Variants in ACBD5 observed in about 807,000 individuals in gnomAD.
ACBD5 encodes acyl-CoA binding domain containing 5, also known as acyl-CoA-binding domain-containing protein 5.
In ACBD5, 40 loss-of-function variants were observed where a neutral mutation model predicts 71.8. The ratio of observed to expected loss-of-function variants is 0.56; its 90% CI spans 0.43 to 0.72. ACBD5 has a LOEUF of 0.72. ACBD5 is among the 30% of genes least tolerant of loss of function. The probability of loss-of-function intolerance (pLI) is 0.00; values close to 1 mark genes in which losing one functional copy is unlikely to be tolerated. For missense variants in ACBD5, 559 were observed against 644.5 expected, an observed-to-expected ratio of 0.87 and a Z score of 1.44; for synonymous variants, 229 against 218.6, an observed-to-expected ratio of 1.05 and a Z score of -0.42.
chr10:27,194,648 T>TAAGAAGAAGAAG (rs1459493023), downstream of ACBD5, among the ~76,000 whole-genome samples: 1 of 148,574 alleles, frequency 6.7e-6, no homozygotes, highest in African/African-American at 2.5e-5. Flanking sequence ...ATAATAATAA[T>TAAGAAGAAGAAG]AAGATGGTTG....
chr10:27,221,652 G>A (rs145412573), intron 5 of ACBD5, among the ~76,000 whole-genome samples: 4 of 151,890 alleles, frequency 2.6e-5, no homozygotes, highest in African/African-American at 9.7e-5. Context: ...AATTGCTCAT[G>A]CCTTTAATTC....
chr10:27,234,509 AAG>A (rs1491237082), intron 3 of ACBD5, among the ~76,000 whole-genome samples: 3 of 148,828 alleles, frequency 2.0e-5, no homozygotes, highest in Non-Finnish European at 3.0e-5. Context: ...AAAAAAAAAA[AAG>A]GGAAAACTCC....
Position 27,197,314 on chromosome 10 carries a change from G to T in ACBD5, c.*116C>A. ...TATATGTACACAAACTAAACTACTG[G>T]ACAACAAAAAGCAATGTAATCATCA... On this transcript the variant is annotated 3_prime_UTR_variant, in exon 13 of 13. Transcript: ENST00000396271. The T allele has an allele frequency of 3.1e-6, 3 of 977,658 alleles. No homozygotes were observed. Among genetic ancestry groups the T allele is most frequent in the Non-Finnish European group, 4.9e-6 (3 of 616,132 alleles). 60.6% of individuals were successfully genotyped at this position (977,658 alleles called of 1,614,324 possible). A position where few individuals can be genotyped will look rare whatever the true frequency, so the allele number is the denominator to read the frequency against.
chr10:27,235,017 C>T (rs532129403), intron 3 of ACBD5, 75 bp downstream of exon 3: 2 of 1,426,494 alleles, frequency 1.4e-6, no homozygotes, highest in Admixed American at 1.7e-5. Flanking sequence ...TAATATATAA[C>T]CACTTAAGTA....
intron 12 of ACBD5, 32 bp downstream of exon 12, chr10:27,204,408 T>C (rs369702160): frequency 2.9e-5 from 44 of 1,513,230 alleles, no homozygotes; most frequent in Admixed American, 1.2e-4. Flanking sequence ...ATGAGAGTTA[T>C]ACACCATTTC....
intron 2 of ACBD5, among the ~76,000 whole-genome samples, chr10:27,235,643 C>A (rs2064567012): frequency 6.6e-6 from 1 of 152,128 alleles, no homozygotes; most frequent in African/African-American, 2.4e-5. Context: ...ATTTCAAATT[C>A]TCAGTAGATA....
chr10:27,211,482 G>A (rs1012613957), intron 8 of ACBD5, among the ~76,000 whole-genome samples: 3 of 152,002 alleles, frequency 2.0e-5, no homozygotes, highest in African/African-American at 7.3e-5. Flanking sequence ...CGCCATGCCT[G>A]GTTAATTTTT....
chr10:27,228,965 T>C (rs1300519198), intron 4 of ACBD5, among the ~76,000 whole-genome samples: 1 of 150,144 alleles, frequency 6.7e-6, no homozygotes, highest in Non-Finnish European at 1.5e-5. Flanking sequence ...ATTACAGGCG[T>C]ATGCCACTAC....
In ACBD5 at chr10:27,226,635, CT is replaced by C. The variant is rs912119482; in HGVS notation, c.376-3184del. 7.2e-4 allele frequency among the ~76,000 whole-genome samples: 71 copies of C among 98,052 alleles called. 1 individual carries two copies. Among genetic ancestry groups the C allele is most frequent in the Middle Eastern group, 5.0e-3 (1 of 202 alleles). 64.3% of individuals were successfully genotyped at this position (98,052 alleles called of 152,430 possible). A position where few individuals can be genotyped will look rare whatever the true frequency, so the allele number is the denominator to read the frequency against. On this transcript the variant is annotated intron_variant, in intron 4 of 12. Transcript: ENST00000396271. ...TACCCAACACAAATTCGTAAACTTT[CT>C]TTTTTTTTTTTAATTTTTTTTGTTA...
downstream of ACBD5, among the ~76,000 whole-genome samples, chr10:27,194,290 A>T (rs1313386996): frequency 6.7e-6 from 1 of 149,176 alleles, no homozygotes; most frequent in Non-Finnish European, 1.5e-5. Context: ...ATCATTTTCC[A>T]CATAAGACCA....
chr10:27,195,899 T>C lies in ACBD5; in HGVS notation c.*1531A>G. 1 of 453,522 alleles carries C rather than the reference T, an allele frequency of 2.2e-6. No individual in the cohort carries two copies. Among genetic ancestry groups the C allele is most frequent in the South Asian group, 1.6e-5 (1 of 64,348 alleles). The allele number at this position is 453,522 out of a possible 1,614,324, so 28.1% of individuals were successfully genotyped here. On this transcript the variant is annotated 3_prime_UTR_variant, in exon 13 of 13. Coordinates refer to ENST00000396271, the MANE Select transcript of ACBD5 (RefSeq NM_145698.5). The stretch of plus-strand genomic sequence containing the variant: ...AACCCAACATCATACATCTTGAGAA[T>C]GCTTAAAAATTATTTGCTACAGGCC...
At chr10:27,219,997 T>G (rs2062132319) in intron 5 of ACBD5, 140 bp from the exon 6 acceptor site, 1 of 582,878 alleles carries the variant, frequency 1.7e-6, no homozygotes, top group Admixed American at 4.2e-5. Flanking sequence ...AGTATTATTT[T>G]CTTTGACTAT....
chr10:27,200,451 CT>C (rs1008838191), intron 12 of ACBD5, among the ~76,000 whole-genome samples: 92 of 146,800 alleles, frequency 6.3e-4, no homozygotes, highest in Admixed American at 8.2e-4. Context: ...TTTTTTCTCT[CT>C]TTTTTTTTTT....
chr10:27,237,079 A>G (rs2064812707), intron 2 of ACBD5, among the ~76,000 whole-genome samples: 1 of 152,120 alleles, frequency 6.6e-6, no homozygotes, highest in African/African-American at 2.4e-5. Context: ...AAGCAGAGGG[A>G]AAAAAATGGA....
chr10:27,237,044 T>C (rs74126946), intron 2 of ACBD5, among the ~76,000 whole-genome samples: 7,958 of 152,144 alleles, frequency 0.052, 550 homozygotes, highest in African/African-American at 0.16. Context: ...TAATAGATAG[T>C]GTTCTAATGA....
downstream of ACBD5, among the ~76,000 whole-genome samples, chr10:27,190,645 CAA>C (rs2059039440): frequency 4.7e-4 from 1 of 2,138 alleles, no homozygotes; most frequent in East Asian, 0.17. Context: ...GAATATAGTA[CAA>C]ATATATTTAC....
chr10:27,192,772 C>T (rs1004358387), downstream of ACBD5, among the ~76,000 whole-genome samples: 2 of 152,128 alleles, frequency 1.3e-5, no homozygotes, highest in Non-Finnish European at 2.9e-5. Context: ...GAGTTCAAGA[C>T]CAGCCTGGCC....
Position 27,240,584 on chromosome 10 carries a change from C to T in ACBD5, c.15+90G>A. On this transcript the variant is annotated intron_variant, in intron 1 of 12. Coordinates refer to ENST00000396271, the MANE Select transcript of ACBD5 (RefSeq NM_145698.5). The surrounding 1 kb of genome is among the most constrained non-coding windows in gnomAD (Gnocchi z 4.1). ...CCTTTGCCCTGCCCTATCCAGGCCA[C>T]ACAGATCGAAGCGGCCCGGCTCCTT... 1 of 1,551,338 alleles carries T rather than the reference C, an allele frequency of 6.4e-7. No homozygotes were observed.
At chr10:27,186,041 A>T (rs1222870278) in intron 13 of ACBD5, among the ~76,000 whole-genome samples, 1 of 152,228 alleles carries the variant, frequency 6.6e-6, no homozygotes, top group Non-Finnish European at 1.5e-5. Context: ...GTGAGCAGAG[A>T]TCGCGCCACT....
Sources: allele counts gnomAD v4.1 joint callset (sites outside exome capture counted in the v4.1 genomes callset), GRCh38; gene constraint gnomAD v4.1.1; non-coding constraint Gnocchi (gnomAD v3.1); transcripts MANE v1.5; gene names NCBI Gene and HGNC (gene_info 2026-07-23, HGNC 2026-07-21).